Variants in SPSB4 observed in about 807,000 individuals in gnomAD.
SPSB4 encodes SPRY domain-containing SOCS box protein 4.
In SPSB4, 21 loss-of-function variants were observed where a neutral mutation model predicts 20.9. That is an observed-to-expected ratio of 1.01 (90% confidence interval 0.71 to 1.45). The LOEUF (loss-of-function observed/expected upper bound fraction) is 1.45. Among genes scored for constraint, SPSB4 ranks in the 40% most tolerant of loss-of-function variants. The pLI is 0.00. For synonymous variants in SPSB4, 207 were observed against 183.8 expected (o/e 1.13, Z -1.02); for missense variants, 399 against 399.2 (o/e 1.00, Z 0.00).
At chr3:141,086,626 A>T (rs1320793229) in intron 2 of SPSB4, among the ~76,000 whole-genome samples, 6 of 152,246 alleles carry the variant, frequency 3.9e-5, no homozygotes, top group African/African-American at 1.4e-4. Context: ...TACTCTTCTA[A>T]GCCCCAGTTT....
intron 2 of SPSB4, among the ~76,000 whole-genome samples, chr3:141,126,449 G>T: frequency 6.6e-6 from 1 of 152,102 alleles, no homozygotes; most frequent in Non-Finnish European, 1.5e-5. Context: ...AGAGATCAAG[G>T]CTCCTGGATC....
At chr3:141,099,790 G>A (rs1015877888) in intron 2 of SPSB4, among the ~76,000 whole-genome samples, 2 of 152,152 alleles carry the variant, frequency 1.3e-5, no homozygotes, top group Non-Finnish European at 2.9e-5. Context: ...AGACATCGTG[G>A]CACCAGAATG....
chr3:141,134,049 CTTTTTTCTTTTTTTTTTTTT>C (rs1266040395), intron 2 of SPSB4, among the ~76,000 whole-genome samples: 6 of 63,904 alleles, frequency 9.4e-5, no homozygotes, highest in Admixed American at 3.7e-4. Context: ...TTTTTTTTTT[CTTTTTTCTTTTTTTTTTTTT>C]TTTTTTGCAG....
intron 1 of SPSB4, among the ~76,000 whole-genome samples, chr3:141,060,874 G>C (rs1937748064): frequency 6.6e-6 from 1 of 152,126 alleles, no homozygotes; most frequent in Admixed American, 6.5e-5. Context: ...AGTATACATT[G>C]AGTATCTTTT....
At chr3:141,125,338 C>T (rs1939035520) in intron 2 of SPSB4, among the ~76,000 whole-genome samples, 1 of 152,186 alleles carries the variant, frequency 6.6e-6, no homozygotes. Context: ...CCCATGCGCT[C>T]ACCAGCACAA....
intron 2 of SPSB4, among the ~76,000 whole-genome samples, chr3:141,095,986 A>G (rs1033654036): frequency 1.3e-5 from 2 of 152,032 alleles, no homozygotes; most frequent in African/African-American, 4.8e-5. Context: ...GCCATGGGGG[A>G]CAACAGAGCC....
chr3:141,138,313 G>A (rs1390834310), intron 2 of SPSB4, among the ~76,000 whole-genome samples: 3 of 152,084 alleles, frequency 2.0e-5, no homozygotes, highest in African/African-American at 7.2e-5. Flanking sequence ...TTTTTGAAGG[G>A]TTTTTTGTGT....
chr3:141,088,030 A>G (rs1938382991), intron 2 of SPSB4, among the ~76,000 whole-genome samples: 1 of 152,184 alleles, frequency 6.6e-6, no homozygotes, highest in African/African-American at 2.4e-5. Flanking sequence ...GCTGAGACAC[A>G]GCATCAGGGT....
intron 2 of SPSB4, among the ~76,000 whole-genome samples, chr3:141,086,972 CA>C (rs1475912472): frequency 9.9e-5 from 15 of 152,182 alleles, no homozygotes; most frequent in Non-Finnish European, 1.8e-4. Context: ...TGCTTGGGAA[CA>C]CTGATTCTGC....
At position 141,112,644 on chromosome 3, in the gene SPSB4, C is replaced by CAAAAA. The variant is rs60396514; in HGVS notation, c.695-34477_695-34473dup. On this transcript the variant is annotated intron_variant, in intron 2 of 2. Coordinates refer to ENST00000310546, the MANE Select transcript of SPSB4 (RefSeq NM_080862.3). The stretch of plus-strand genomic sequence containing the variant: ...TGGGCGACAGAGCGAGACTCCGTCT[C>CAAAAA]AAAAAAAAAAAAAAAAAAAAAAAAA... Among the ~76,000 whole-genome samples the CAAAAA allele has an allele frequency of 4.4e-3, 145 of 32,844 alleles. 6 individuals are homozygous for CAAAAA. The highest frequency in any genetic ancestry group is 6.8e-3 in the Non-Finnish European group (111 of 16,254). The allele number at this position is 32,844 out of a possible 152,430, so 21.5% of individuals were successfully genotyped here. A position where few individuals can be genotyped will look rare whatever the true frequency, so the allele number is the denominator to read the frequency against.
chr3:141,079,027 C>T (rs544217487), intron 2 of SPSB4, among the ~76,000 whole-genome samples: 8 of 152,104 alleles, frequency 5.3e-5, no homozygotes, highest in East Asian at 1.9e-4. Context: ...TTTGGGAGGC[C>T]GAGGTGGGCG....
chr3:141,055,270 G>A (rs1470380489), intron 1 of SPSB4, among the ~76,000 whole-genome samples: 2 of 152,138 alleles, frequency 1.3e-5, no homozygotes, highest in African/African-American at 4.8e-5. Context: ...GGGCTGCCAC[G>A]GAGGGGTGCC....
intron 1 of SPSB4, among the ~76,000 whole-genome samples, chr3:141,056,334 C>T (rs1033961802): frequency 6.6e-6 from 1 of 152,208 alleles, no homozygotes; most frequent in East Asian, 1.9e-4. Flanking sequence ...CTGTTATCTG[C>T]ATTCTATGAA....
chr3:141,136,722 G>A (rs560641114), intron 2 of SPSB4, among the ~76,000 whole-genome samples: 143 of 152,198 alleles, frequency 9.4e-4, no homozygotes, highest in African/African-American at 2.5e-3. Context: ...TACCAGTACC[G>A]TGCTGTTTTG....
chr3:141,096,746 A>G (rs1175369142), intron 2 of SPSB4, among the ~76,000 whole-genome samples: 1 of 152,254 alleles, frequency 6.6e-6, no homozygotes, highest in Non-Finnish European at 1.5e-5. Context: ...ACTTCTTGAC[A>G]TAATGCTTTT....
intron 2 of SPSB4, among the ~76,000 whole-genome samples, chr3:141,091,132 T>C (rs1938442380): frequency 6.6e-6 from 1 of 152,132 alleles, no homozygotes; most frequent in South Asian, 2.1e-4. Context: ...CGGACATCCA[T>C]GAGGAGGTTC....
At chr3:141,086,701 T>C (rs1027708556) in intron 2 of SPSB4, among the ~76,000 whole-genome samples, 14 of 152,316 alleles carry the variant, frequency 9.2e-5, no homozygotes, top group Admixed American at 3.3e-4. Context: ...AGAATAACTG[T>C]AAAGTCCTGA....
intron 2 of SPSB4, among the ~76,000 whole-genome samples, chr3:141,121,756 G>C (rs573558682): frequency 6.6e-6 from 1 of 152,242 alleles, no homozygotes; most frequent in South Asian, 2.1e-4. Context: ...GTGGTTTTCA[G>C]CTCCATCAGG....
intron 2 of SPSB4, among the ~76,000 whole-genome samples, chr3:141,077,891 G>T (rs1222601046): frequency 6.6e-6 from 1 of 152,200 alleles, no homozygotes; most frequent in South Asian, 2.1e-4. Context: ...GGCGGCAGGT[G>T]GTCCAGGAAT....
Sources: allele counts gnomAD v4.1 joint callset (sites outside exome capture counted in the v4.1 genomes callset), GRCh38; gene constraint gnomAD v4.1.1; transcripts MANE v1.5; gene names NCBI Gene and HGNC (gene_info 2026-07-23, HGNC 2026-07-21).